The following AGAP1 variants were observed in gnomAD, a reference collection of about 807,000 sequenced individuals.
AGAP1 encodes the protein arf-GAP with GTPase, ANK repeat and PH domain-containing protein 1.
AGAP1 carries 29 observed loss-of-function variants against 105.3 expected under a neutral mutation model. That is an observed-to-expected ratio of 0.28 (90% CI 0.21 to 0.38). The LOEUF is 0.38. Among genes scored for constraint, AGAP1 ranks in the 10% least tolerant of loss-of-function variants. The probability of loss-of-function intolerance (pLI) is 1.00; values close to 1 mark genes in which losing one functional copy is unlikely to be tolerated. For synonymous variants in AGAP1, 509 were observed against 485.9 expected, an observed-to-expected ratio of 1.05 and a Z score of -0.63; for missense variants, 998 against 1,165.1, an observed-to-expected ratio of 0.86 and a Z score of 2.09.
intron 1 of AGAP1, 94 bp downstream of exon 1, chr2:235,494,943 C>G (rs1416419663): frequency 7.9e-7 from 1 of 1,264,322 alleles, no homozygotes; most frequent in Non-Finnish European, 1.0e-6. Flanking sequence ...TCCACACACG[C>G]CGGCCGGGGC....
intron 11 of AGAP1, among the ~76,000 whole-genome samples, chr2:235,923,433 C>A (rs1292752316): frequency 6.6e-6 from 1 of 152,128 alleles, no homozygotes; most frequent in Non-Finnish European, 1.5e-5. Flanking sequence ...AAGTCATAGC[C>A]ACGTTTACAG....
rs552593879 is a variant in AGAP1, at chr2:235,879,458, C to T, written c.1051-3887C>T. The stretch of plus-strand genomic sequence containing the variant: ...GGGTATTCTGTAGTCCTGCCACTTA[C>T]GCAGCATTTGAATAGTGCCTATAAT... On this transcript the variant is annotated intron_variant, in intron 9 of 17. Coordinates refer to ENST00000304032, the MANE Select transcript of AGAP1 (RefSeq NM_001037131.3). The surrounding 1 kb of genome is among the most constrained non-coding windows in gnomAD (Gnocchi z 5.0). 5.3e-5 allele frequency among the ~76,000 whole-genome samples: 8 copies of T among 152,324 alleles called. No homozygotes were observed. The highest frequency in any genetic ancestry group is 3.9e-4 in the East Asian group (2 of 5,188).
intron 1 of AGAP1, among the ~76,000 whole-genome samples, chr2:235,520,640 A>T (rs1574751192): frequency 1.3e-5 from 2 of 152,246 alleles, no homozygotes; most frequent in South Asian, 4.1e-4. Context: ...TTGCAAAATG[A>T]TGATTTTATA....
intron 1 of AGAP1, among the ~76,000 whole-genome samples, chr2:235,594,853 C>T (rs946662316): frequency 2.1e-5 from 3 of 143,894 alleles, no homozygotes; most frequent in East Asian, 2.1e-4. Flanking sequence ...GGATTACAGG[C>T]GTGAGCCACT....
At chr2:235,826,811 G>A (rs1192879090) in intron 9 of AGAP1, among the ~76,000 whole-genome samples, 1 of 152,170 alleles carries the variant, frequency 6.6e-6, no homozygotes, top group African/African-American at 2.4e-5. Flanking sequence ...CGAAGTTCCT[G>A]TGGAGGTGGC....
In AGAP1 at chr2:236,035,292, G is replaced by A. The variant is rs999097864; in HGVS notation, c.1646-1269G>A. Among the ~76,000 whole-genome samples the A allele has an allele frequency of 2.0e-5, 3 of 152,148 alleles. No homozygotes were observed. Among genetic ancestry groups the A allele is most frequent in the South Asian group, 4.2e-4 (2 of 4,816 alleles). ...GCAGCTAGTTCACAGGCCAGGGCCC[G>A]GAAACATTGAGTCAAATGAGATGTT... On this transcript the variant is annotated intron_variant, in intron 13 of 17. Coordinates refer to ENST00000304032, the MANE Select transcript of AGAP1 (RefSeq NM_001037131.3). This position sits in a 1 kb window ranked among gnomAD's most constrained non-coding sequence, Gnocchi z 4.2.
rs1339187724 is a variant in AGAP1 at position 235,714,911 on chromosome 2, C to T, written c.223-2646C>T. On this transcript the variant is annotated intron_variant, in intron 2 of 17. Transcript: ENST00000304032. This position sits in a 1 kb window ranked among gnomAD's most constrained non-coding sequence, Gnocchi z 4.1. ...CTCCTGGGTTCAGGCGATTCTCCTG[C>T]CTTAGCCTCCTGAGTAGCTGGGACT... Among the ~76,000 whole-genome samples the T allele has an allele frequency of 1.3e-5, 2 of 152,184 alleles. No individual in the cohort carries two copies. The highest frequency in any genetic ancestry group is 2.9e-5 in the Non-Finnish European group (2 of 68,034).
In AGAP1 at chr2:236,053,986, T is replaced by G. The variant is rs985740922; in HGVS notation, c.2114+4705T>G. On this transcript the variant is annotated intron_variant, in intron 16 of 17. Coordinates refer to ENST00000304032, the MANE Select transcript of AGAP1 (RefSeq NM_001037131.3). The surrounding 1 kb of genome is among the most constrained non-coding windows in gnomAD (Gnocchi z 4.6). ...CTGTGCCTAAACTCCCTTCTTGTCT[T>G]TAACCTATAAAAAGATGTCGCCTTC... Among the ~76,000 whole-genome samples the G allele has an allele frequency of 6.6e-6, 1 of 152,178 alleles. No individual in the cohort carries two copies. Among genetic ancestry groups the G allele is most frequent in the Non-Finnish European group, 1.5e-5 (1 of 68,030 alleles).
In AGAP1 at chr2:235,686,642, TA is replaced by T. The variant is rs1559350836; in HGVS notation, c.164-22536del. Reference sequence around the variant, plus strand: ...ATAGATATATATATATATATATATATATAGATATATATATATATATATATTT... The same window carrying T: ...ATAGATATATATATATATATATATATTAGATATATATATATATATATATTT... On this transcript the variant is annotated intron_variant, in intron 1 of 17. Coordinates refer to ENST00000304032, the MANE Select transcript of AGAP1 (RefSeq NM_001037131.3). Among the ~76,000 whole-genome samples the T allele has an allele frequency of 6.9e-4, 31 of 45,126 alleles. 1 individual carries two copies. The highest frequency in any genetic ancestry group is 2.6e-3 in the African/African-American group (23 of 8,904). The allele number at this position is 45,126 out of a possible 152,430, so 29.6% of individuals were successfully genotyped here.
intron 16 of AGAP1, chr2:236,072,152 G>C: frequency 8.3e-6 from 1 of 121,118 alleles, no homozygotes; most frequent in South Asian, 2.8e-4. Context: ...TTTTTTTAGA[G>C]ATAAGGTCAC....
rs1951844190 is a variant in AGAP1 at position 235,729,806 on chromosome 2, G to A, written c.311-11157G>A. On this transcript the variant is annotated intron_variant, in intron 3 of 17. Coordinates refer to ENST00000304032, the MANE Select transcript of AGAP1 (RefSeq NM_001037131.3). This position sits in a 1 kb window ranked among gnomAD's most constrained non-coding sequence, Gnocchi z 5.0. Reference sequence around the variant, plus strand: ...ATACCAAAGATGAGACTACAGCAGCGACTTGTCACCTCTTCCGTGTTGCTA... The same window carrying A: ...ATACCAAAGATGAGACTACAGCAGCAACTTGTCACCTCTTCCGTGTTGCTA... Among the ~76,000 whole-genome samples, 1 of 152,114 alleles carries A rather than the reference G, an allele frequency of 6.6e-6. No homozygotes were observed. The highest frequency in any genetic ancestry group is 1.5e-5 in the Non-Finnish European group (1 of 68,026).
chr2:235,963,801 A>G lies in AGAP1; in HGVS notation c.1484-4661A>G, dbSNP rs6717245. Among the ~76,000 whole-genome samples, 19,668 of 152,118 alleles carry G rather than the reference A, an allele frequency of 0.13. 3,330 individuals carry two copies. Among genetic ancestry groups the G allele is most frequent in the African/African-American group, 0.39 (16,312 of 41,410 alleles). ...TAAGGCGATAGTGAAGAGTAACAAC[A>G]CATAGGCTTAGAACACAGAGACATA... is the stretch of plus-strand genomic sequence containing the variant. On this transcript the variant is annotated intron_variant, in intron 12 of 17. Transcript: ENST00000304032. This position sits in a 1 kb window ranked among gnomAD's most constrained non-coding sequence, Gnocchi z 5.1.
Position 236,092,327 on chromosome 2 carries a change from T to A in AGAP1, c.2115-27865T>A, listed in dbSNP as rs1409103446. 1.3e-5 allele frequency among the ~76,000 whole-genome samples: 2 copies of A among 152,200 alleles called. No individual in the cohort carries two copies. On this transcript the variant is annotated intron_variant, in intron 16 of 17. Coordinates refer to ENST00000304032, the MANE Select transcript of AGAP1 (RefSeq NM_001037131.3). This position sits in a 1 kb window ranked among gnomAD's most constrained non-coding sequence, Gnocchi z 4.7. ...AACATACTACAGTTTTTCAAGATAC[T>A]GCCTTTGAGGGGAAACCAGGTAAGG...
At chr2:235,572,487 T>C (rs1183748973) in intron 1 of AGAP1, among the ~76,000 whole-genome samples, 1 of 152,108 alleles carries the variant, frequency 6.6e-6, no homozygotes, top group African/African-American at 2.4e-5. Flanking sequence ...CTCTGTCCTC[T>C]AGATGTCCTG....
intron 9 of AGAP1, among the ~76,000 whole-genome samples, chr2:235,822,182 CGTT>C (rs778701735): frequency 3.3e-5 from 5 of 152,164 alleles, no homozygotes; most frequent in African/African-American, 7.2e-5. Context: ...TAGTGATAGA[CGTT>C]GTACTCAATA....
chr2:235,974,895 T>C (rs566582575), intron 13 of AGAP1, among the ~76,000 whole-genome samples: 2 of 152,272 alleles, frequency 1.3e-5, no homozygotes, highest in South Asian at 4.2e-4. Context: ...TTCCTCTCTC[T>C]CTCCAAGGAG....
At position 235,927,851 on chromosome 2, in the gene AGAP1, G is replaced by C. The variant is rs906107229; in HGVS notation, c.1325-2914G>C. On this transcript the variant is annotated intron_variant, in intron 11 of 17. Coordinates refer to ENST00000304032, the MANE Select transcript of AGAP1 (RefSeq NM_001037131.3). This position sits in a 1 kb window ranked among gnomAD's most constrained non-coding sequence, Gnocchi z 4.4. ...TCGTTGTCCCAAAGATGGAGGGACA[G>C]ACAGACACAGTGAAATTCCTTTTTG... is the stretch of plus-strand genomic sequence containing the variant. Among the ~76,000 whole-genome samples, 3 of 152,254 alleles carry C rather than the reference G, an allele frequency of 2.0e-5. No individual in the cohort carries two copies. Among genetic ancestry groups the C allele is most frequent in the Non-Finnish European group, 2.9e-5 (2 of 68,050 alleles).
chr2:235,978,485 G>T (rs1393758538), intron 13 of AGAP1, among the ~76,000 whole-genome samples: 1 of 152,212 alleles, frequency 6.6e-6, no homozygotes, highest in Non-Finnish European at 1.5e-5. Context: ...CTACCTCATT[G>T]CATCCTTAAA....
At position 235,572,976 on chromosome 2, in the gene AGAP1, TTTCTTCTTC is replaced by T. The variant is rs1172737406; in HGVS notation, c.163+78205_163+78213del. ...CAGACTCCCCGATTGCTCCATCTTT[TTTCTTCTTC>T]TTCTTCTTCTTCTTCTTCTTCTTCT... is the stretch of plus-strand genomic sequence containing the variant. On this transcript the variant is annotated intron_variant, in intron 1 of 17. Transcript: ENST00000304032. 8.1e-3 allele frequency among the ~76,000 whole-genome samples: 843 copies of T among 103,820 alleles called. 17 individuals are homozygous for T. Among genetic ancestry groups the T allele is most frequent in the Non-Finnish European group, 0.012 (613 of 52,366 alleles). 68.1% of individuals were successfully genotyped at this position (103,820 alleles called of 152,430 possible).
Sources: allele counts gnomAD v4.1 joint callset (sites outside exome capture counted in the v4.1 genomes callset), GRCh38; gene constraint gnomAD v4.1.1; non-coding constraint Gnocchi (gnomAD v3.1); transcripts MANE v1.5; gene names NCBI Gene and HGNC (gene_info 2026-07-23, HGNC 2026-07-21).